DNAH7: variants seen among roughly 807,000 people sequenced by gnomAD.
DNAH7 encodes axonemal beta dynein heavy chain 7.
A neutral mutation model predicts 444.6 loss-of-function variants in DNAH7; 397 were observed. The observed-to-expected ratio is 0.89, with a 90% CI of 0.82 to 0.97. The LOEUF (loss-of-function observed/expected upper bound fraction) is 0.97. Ranked by LOEUF, DNAH7 falls within the 50% of genes least tolerant of loss-of-function variation. The pLI, the probability that DNAH7 is intolerant of heterozygous loss-of-function variation, is 0.00. For missense variants in DNAH7, 4,902 were observed against 4,800.8 expected (o/e 1.02, Z -0.62); for synonymous variants, 1,636 against 1,624.4 (o/e 1.01, Z -0.17).
intron 15 of DNAH7, among the ~76,000 whole-genome samples, chr2:195,973,881 A>G (rs1302335271): frequency 6.6e-6 from 1 of 151,982 alleles, no homozygotes; most frequent in Non-Finnish European, 1.5e-5. Flanking sequence ...TGAGGTCAAG[A>G]GTTCAAAACA....
intron 5 of DNAH7, among the ~76,000 whole-genome samples, chr2:196,033,011 T>TCA (rs1373010473): frequency 6.6e-6 from 1 of 152,046 alleles, no homozygotes; most frequent in Non-Finnish European, 1.5e-5. Context: ...AACCAAATGA[T>TCA]CACCTCAACA....
chr2:195,985,769 C>A (rs903053285), intron 14 of DNAH7, among the ~76,000 whole-genome samples: 5 of 152,186 alleles, frequency 3.3e-5, no homozygotes, highest in African/African-American at 7.2e-5. Flanking sequence ...TTTCACCCAG[C>A]ATGAACAGCA....
chr2:195,896,897 T>C (rs752839792), intron 29 of DNAH7, among the ~76,000 whole-genome samples: 22 of 152,174 alleles, frequency 1.4e-4, no homozygotes, highest in Non-Finnish European at 2.8e-4. Context: ...AGCAACAGCA[T>C]CTCTTCTCCC....
chr2:195,772,920 A>G (rs2105942628), intron 60 of DNAH7, among the ~76,000 whole-genome samples: 2 of 151,806 alleles, frequency 1.3e-5, no homozygotes, highest in East Asian at 3.9e-4. Context: ...AGCTGGGATT[A>G]TAGGGGACTG....
chr2:196,011,010 T>C (rs959188431), intron 10 of DNAH7, among the ~76,000 whole-genome samples: 1 of 151,990 alleles, frequency 6.6e-6, no homozygotes, highest in Non-Finnish European at 1.5e-5. Context: ...GAAGGGCAGG[T>C]TTGGGATGGA....
chr2:196,058,988 A>T (rs907111228), intron 1 of DNAH7, among the ~76,000 whole-genome samples: 1 of 152,134 alleles, frequency 6.6e-6, no homozygotes, highest in South Asian at 2.1e-4. Flanking sequence ...AACAGAGATC[A>T]AGGGAATAGA....
intron 5 of DNAH7, among the ~76,000 whole-genome samples, chr2:196,037,035 C>G (rs1185009666): frequency 1.3e-5 from 2 of 152,132 alleles, no homozygotes; most frequent in Non-Finnish European, 2.9e-5. Context: ...CACCTAGGGA[C>G]CTAAGGACTA....
intron 58 of DNAH7, among the ~76,000 whole-genome samples, chr2:195,783,491 G>T (rs990953563): frequency 1.3e-5 from 2 of 152,078 alleles, no homozygotes; most frequent in Non-Finnish European, 2.9e-5. Context: ...TCAAGTCTCT[G>T]CCTCTGTCTT....
intron 29 of DNAH7, among the ~76,000 whole-genome samples, chr2:195,896,551 G>A (rs1005205947): frequency 1.1e-4 from 16 of 152,130 alleles, no homozygotes; most frequent in African/African-American, 2.9e-4. Context: ...GTTCAAAAAT[G>A]GCAGCGTAGA....
At chr2:195,813,362 T>C (rs923972996) in intron 51 of DNAH7, among the ~76,000 whole-genome samples, 2 of 152,306 alleles carry the variant, frequency 1.3e-5, no homozygotes, top group African/African-American at 2.4e-5. Flanking sequence ...ATAAACCCTT[T>C]TGAAAACTAG....
At chr2:195,996,885 G>C (rs1693728941) in intron 12 of DNAH7, among the ~76,000 whole-genome samples, 1 of 152,092 alleles carries the variant, frequency 6.6e-6, no homozygotes, top group South Asian at 2.1e-4. Flanking sequence ...AGTTATCCAT[G>C]GGGCATTTGC....
Position 195,794,542 on chromosome 2 carries a change from T to C in DNAH7, c.10516-4A>G, listed in dbSNP as rs751358363. ...GTGTTGACTCTGGGCTTAACTCCTGTAAGAAAATAAATCAGATACAAAAGA... is the reference window on the plus strand; with the variant it reads ...GTGTTGACTCTGGGCTTAACTCCTGCAAGAAAATAAATCAGATACAAAAGA... On this transcript the variant is annotated splice_region_variant and splice_polypyrimidine_tract_variant and intron_variant, in intron 56 of 64. Coordinates refer to ENST00000312428, the MANE Select transcript of DNAH7 (RefSeq NM_018897.3). 2 of 1,613,518 alleles carry C rather than the reference T, an allele frequency of 1.2e-6. No homozygotes were observed. Among genetic ancestry groups the C allele is most frequent in the South Asian group, 1.1e-5 (1 of 91,062 alleles).
In DNAH7 at chr2:195,852,915, C is replaced by CAG. The variant is rs201538951; in HGVS notation, c.8781+426_8781+427dup. On this transcript the variant is annotated intron_variant, in intron 46 of 64. Coordinates refer to ENST00000312428, the MANE Select transcript of DNAH7 (RefSeq NM_018897.3). The stretch of plus-strand genomic sequence containing the variant: ...GTACACACACACACACACACACACA[C>CAG]AGAGAGAGAGAGAGAGAGAGAGAGA... Among the ~76,000 whole-genome samples the CAG allele has an allele frequency of 4.8e-3, 406 of 84,678 alleles. 2 individuals are homozygous for CAG. Among genetic ancestry groups the CAG allele is most frequent in the South Asian group, 0.035 (86 of 2,434 alleles). 55.6% of individuals were successfully genotyped at this position (84,678 alleles called of 152,430 possible).
chr2:195,906,843 G>A (rs1687056801), intron 26 of DNAH7, 57 bp from the exon 27 acceptor site: 1 of 1,607,940 alleles, frequency 6.2e-7, no homozygotes, highest in Admixed American at 1.7e-5. Flanking sequence ...CATGAGCTGT[G>A]CCATTCACTA....
chr2:195,828,593 C>CAT lies in DNAH7; in HGVS notation c.9101-4150_9101-4149dup, dbSNP rs1217210000. On this transcript the variant is annotated intron_variant, in intron 48 of 64. Transcript: ENST00000312428. The stretch of plus-strand genomic sequence containing the variant: ...GAGCAAGACTCCATCTCAAAAATAA[C>CAT]ATATATATATATATATATTTTTTTT... Among the ~76,000 whole-genome samples, 692 of 136,686 alleles carry CAT rather than the reference C, an allele frequency of 5.1e-3. 2 individuals are homozygous for CAT. Among genetic ancestry groups the CAT allele is most frequent in the Middle Eastern group, 7.4e-3 (2 of 272 alleles). 89.7% of individuals were successfully genotyped at this position (136,686 alleles called of 152,430 possible).
At chr2:195,898,607 A>G (rs1285546005) in intron 28 of DNAH7, among the ~76,000 whole-genome samples, 1 of 152,216 alleles carries the variant, frequency 6.6e-6, no homozygotes, top group African/African-American at 2.4e-5. Flanking sequence ...GAACAAGCAA[A>G]CCGGCTCTGA....
intron 48 of DNAH7, among the ~76,000 whole-genome samples, chr2:195,827,643 G>C (rs1697836970): frequency 6.6e-6 from 1 of 152,042 alleles, no homozygotes; most frequent in Non-Finnish European, 1.5e-5. Context: ...GTGCAGTGGT[G>C]TGATCACAGT....
At chr2:195,879,491 A>G (rs1237493693) in intron 36 of DNAH7, among the ~76,000 whole-genome samples, 5 of 152,144 alleles carry the variant, frequency 3.3e-5, no homozygotes, top group African/African-American at 1.2e-4. Context: ...TTTTATCAGG[A>G]TGCCTTAAAA....
chr2:195,788,901 G>A (rs1574435675), intron 57 of DNAH7, among the ~76,000 whole-genome samples: 2 of 152,278 alleles, frequency 1.3e-5, no homozygotes, highest in African/African-American at 4.8e-5. Flanking sequence ...ATGTATATTT[G>A]TATATTTGTG....
Sources: gnomAD v4.1 joint callset for allele counts (sites outside exome capture counted in the v4.1 genomes callset) on GRCh38, gnomAD v4.1.1 for gene constraint, MANE v1.5 for transcripts, NCBI Gene and HGNC (gene_info 2026-07-23, HGNC 2026-07-21) for gene names.